The following CYP2C8 variants were observed in gnomAD, a reference collection of about 807,000 sequenced individuals.
CYP2C8 encodes the protein cytochrome P450 family 2 subfamily C member 8.
Under a neutral mutation model 41.3 loss-of-function variants are expected in CYP2C8, and 51 were observed. The ratio of observed to expected loss-of-function variants is 1.24; its 90% confidence interval spans 0.99 to 1.56. The LOEUF is 1.56. Ranked by LOEUF, CYP2C8 falls within the 40% of genes most tolerant of loss-of-function variation. CYP2C8 has a pLI of 0.00. For missense variants in CYP2C8, 651 were observed against 579.9 expected, an observed-to-expected ratio of 1.12 and a Z score of -1.26; for synonymous variants, 218 against 205.8, an observed-to-expected ratio of 1.06 and a Z score of -0.51.
Position 95,042,839 on chromosome 10 carries a change from C to G in CYP2C8, c.1149+51G>C, listed in dbSNP as rs375477204. The G allele has an allele frequency of 5.2e-5, 78 of 1,510,034 alleles. No homozygotes were observed. In the African/African-American group the frequency reaches 1.0e-3, roughly 20 times the overall value. 93.5% of individuals were successfully genotyped at this position (1,510,034 alleles called of 1,614,324 possible). A position where few individuals can be genotyped will look rare whatever the true frequency, so the allele number is the denominator to read the frequency against. On this transcript the variant is annotated intron_variant, in intron 7 of 8. Coordinates refer to ENST00000371270, the MANE Select transcript of CYP2C8 (RefSeq NM_000770.3). ...TTAGAGGGTTGGAACCAAACCAGCA[C>G]TATGGAAATTTCAGAAGTACAGAAA...
chr10:95,064,948 T>A lies in CYP2C8; in HGVS notation c.494A>T (p.Asp165Val). 1 of 1,563,822 alleles carries A rather than the reference T, an allele frequency of 6.4e-7. No homozygotes were observed. The highest frequency in any genetic ancestry group is 8.7e-7 in the Non-Finnish European group (1 of 1,154,578). Reference protein sequence around the residue: ...ELRKTKASPCDPTFILGCAPC... With the variant: ...ELRKTKASPCVPTFILGCAPC... ...AGCACAGCCCAGGATGAAAGTGGGA[T>A]CACAGGGTGAAGCTAAAGATTTAAA... is the stretch of plus-strand genomic sequence containing the variant. The change falls in exon 4 of 9, where the codon GAT (aspartate) becomes GTT (valine). Residue 165 changes from aspartate (D) to valine (V), a missense_variant. By Grantham distance (152) the Asp-to-Val change is radical. Coordinates refer to ENST00000371270, the MANE Select transcript of CYP2C8 (RefSeq NM_000770.3).
At chr10:95,067,839 T>C in intron 1 of CYP2C8, 148 bp from the exon 2 acceptor site, 1 of 905,266 alleles carries the variant, frequency 1.1e-6, no homozygotes, top group Non-Finnish European at 1.7e-6. Flanking sequence ...TACATAAATG[T>C]GATGGTGATT....
In CYP2C8 at chr10:95,059,555, A is replaced by G. The variant is rs568028842; in HGVS notation, c.643-1044T>C. On this transcript the variant is annotated intron_variant, in intron 4 of 8. Coordinates refer to ENST00000371270, the MANE Select transcript of CYP2C8 (RefSeq NM_000770.3). ...ATTCTGGATATTAGCCCTTTGTCAG[A>G]TGAGTAGATAGCAAAATTTTTCTCC... 2.6e-5 allele frequency among the ~76,000 whole-genome samples: 4 copies of G among 152,226 alleles called. No individual in the cohort carries two copies. The East Asian group carries it at 7.7e-4, about 29-fold the overall frequency.
intron 4 of CYP2C8, among the ~76,000 whole-genome samples, chr10:95,063,935 AGAACAGCAAATATTGCT>A (rs1393361488): frequency 6.6e-6 from 1 of 152,228 alleles, no homozygotes; most frequent in East Asian, 1.9e-4. Context: ...CAGAGGCTGC[AGAACAGCAAATATTGCT>A]GAACAGCAAA....
intron 4 of CYP2C8, 78 bp from the exon 5 acceptor site, chr10:95,058,589 A>G (rs1444084071): frequency 1.6e-6 from 2 of 1,281,498 alleles, no homozygotes; most frequent in Non-Finnish European, 2.2e-6. Flanking sequence ...TTGAAATTAT[A>G]ACTATAAATA....
chr10:95,060,476 T>C lies in CYP2C8; in HGVS notation c.643-1965A>G, dbSNP rs550576768. Among the ~76,000 whole-genome samples the C allele has an allele frequency of 6.4e-4, 98 of 152,336 alleles. 3 individuals carry two copies. The South Asian group carries it at 0.02, about 31-fold the overall frequency. On this transcript the variant is annotated intron_variant, in intron 4 of 8. Coordinates refer to ENST00000371270, the MANE Select transcript of CYP2C8 (RefSeq NM_000770.3). ...TATTGGTGTAGAGGAATGTTTGTGA[T>C]TTTTGCACATTGATTTTGTATCCCG... is the stretch of plus-strand genomic sequence containing the variant.
chr10:95,042,845 A>C (rs2134410240), intron 7 of CYP2C8, 45 bp downstream of exon 7: 1 of 1,557,122 alleles, frequency 6.4e-7, no homozygotes, highest in Non-Finnish European at 8.9e-7. Context: ...AGCACTATGG[A>C]AATTTCAGAA....
intron 1 of CYP2C8, chr10:95,068,496 A>G (rs2033615574): frequency 1.2e-6 from 1 of 804,734 alleles, no homozygotes; most frequent in South Asian, 1.4e-5. Context: ...CCATCAAATG[A>G]ATCTTCAGAG....
chr10:95,048,405 C>T (rs905671829), intron 5 of CYP2C8, among the ~76,000 whole-genome samples: 2 of 152,154 alleles, frequency 1.3e-5, no homozygotes, highest in Non-Finnish European at 2.9e-5. Flanking sequence ...GTCCTCTGGT[C>T]TCCTAGCAGC....
Position 95,067,707 on chromosome 10 carries a change from C to T in CYP2C8, c.169-16G>A, listed in dbSNP as rs762286692. The T allele has an allele frequency of 2.5e-6, 4 of 1,613,476 alleles. No individual in the cohort carries two copies. The South Asian group carries it at 3.3e-5, about 13-fold the overall frequency. On this transcript the variant is annotated splice_polypyrimidine_tract_variant and intron_variant, in intron 1 of 8. Coordinates refer to ENST00000371270, the MANE Select transcript of CYP2C8 (RefSeq NM_000770.3). The stretch of plus-strand genomic sequence containing the variant: ...CTTTTGAGAACTGGGAAAGGAAATG[C>T]AAATAGCAGCAAAATAAGTCGCTAT...
rs540288649 is a variant in CYP2C8 at position 95,067,259 on chromosome 10, G to A, written c.430C>T (p.Arg144Cys). 9.3e-6 allele frequency: 15 copies of A among 1,614,020 alleles called. No homozygotes were observed. The highest frequency in any genetic ancestry group is 1.6e-4 in the Middle Eastern group (1 of 6,084). Residue 144 changes from arginine (R) to cysteine (C), a missense_variant, in exon 3 of 9, where the codon CGT becomes TGT. Physicochemically the swap from Arg to Cys is radical, Grantham distance 180 (BLOSUM62 -3). Transcript: ENST00000371270. ...AGGCAGTGAGCTTCCTCTTGAACAC[G>A]GTCCTCAATGCTCCTCTTCCCCATC... ...FGMGKRSIED[R>C]VQEEAHCLVE...
chr10:95,069,097 CAAAG>C, intron 1 of CYP2C8, 134 bp downstream of exon 1: 1 of 989,646 alleles, frequency 1.0e-6, no homozygotes, highest in East Asian at 2.6e-5. Flanking sequence ...AAAGAAACAT[CAAAG>C]AAGTTCAGAG....
At chr10:95,045,753 GCAC>G in intron 6 of CYP2C8, 54 bp downstream of exon 6, 1 of 1,602,630 alleles carries the variant, frequency 6.2e-7, no homozygotes, top group Middle Eastern at 1.7e-4. Flanking sequence ...GAGGATACTG[GCAC>G]CATCTTCTCA....
chr10:95,062,290 T>A (rs142985124), intron 4 of CYP2C8, among the ~76,000 whole-genome samples: 15 of 152,138 alleles, frequency 9.9e-5, no homozygotes, highest in African/African-American at 2.9e-4. Context: ...TCTTTATAGG[T>A]CTCTAAGGAC....
chr10:95,046,840 G>T (rs559684085), intron 5 of CYP2C8, among the ~76,000 whole-genome samples: 2 of 150,468 alleles, frequency 1.3e-5, no homozygotes, highest in African/African-American at 4.9e-5. Context: ...AAGACTTCTT[G>T]TATTTGAGAT....
chr10:95,065,575 A>T (rs10882525), intron 3 of CYP2C8, among the ~76,000 whole-genome samples: 57,440 of 152,030 alleles, frequency 0.38, 11,242 homozygotes, highest in Middle Eastern at 0.51. Context: ...TCTAAATCCC[A>T]GTAAAGCTAA....
chr10:95,060,561 T>C (rs2134431954), intron 4 of CYP2C8, among the ~76,000 whole-genome samples: 1 of 152,328 alleles, frequency 6.6e-6, no homozygotes, highest in South Asian at 2.1e-4. Flanking sequence ...GATGGGGTTT[T>C]CTAGATATAC....
chr10:95,041,717 C>T (rs1288675737), intron 7 of CYP2C8, among the ~76,000 whole-genome samples: 1 of 145,416 alleles, frequency 6.9e-6, no homozygotes, highest in Non-Finnish European at 1.5e-5. Context: ...GGAAGCGGAG[C>T]TTGCAGTGAG....
intron 1 of CYP2C8, 40 bp from the exon 2 acceptor site, chr10:95,067,731 A>G (rs1319672774): frequency 1.9e-6 from 3 of 1,591,162 alleles, no homozygotes; most frequent in Non-Finnish European, 2.6e-6. Flanking sequence ...ATAAGTCGCT[A>G]TTTGCTCCAA....
Sources: allele counts gnomAD v4.1 joint callset (sites outside exome capture counted in the v4.1 genomes callset), GRCh38; gene constraint gnomAD v4.1.1; transcripts MANE v1.5; gene names NCBI Gene and HGNC (gene_info 2026-07-23, HGNC 2026-07-21).